Variants in TMEFF2 observed in about 807,000 individuals in gnomAD.
TMEFF2 encodes transmembrane protein with EGF like and two follistatin like domains 2, also known as tomoregulin-2.
A neutral mutation model predicts 53.8 loss-of-function variants in TMEFF2; 28 were observed. The observed-to-expected ratio is 0.52, with a 90% CI of 0.39 to 0.71. TMEFF2 has a LOEUF of 0.71. Among genes scored for constraint, TMEFF2 ranks in the 30% least tolerant of loss-of-function variants. TMEFF2 has a pLI of 0.00. For missense variants in TMEFF2, 353 were observed against 455.2 expected (o/e 0.78, Z 2.04); for synonymous variants, 162 against 166.3 (o/e 0.97, Z 0.20).
chr2:191,959,349 CTGAGT>C lies in TMEFF2; in HGVS notation c.746-2976_746-2972del, dbSNP rs140800209. Among the ~76,000 whole-genome samples, 1,028 of 152,304 alleles carry C rather than the reference CTGAGT, an allele frequency of 6.7e-3. 16 individuals carry two copies. The highest frequency in any genetic ancestry group is 0.023 in the African/African-American group (966 of 41,564). On this transcript the variant is annotated intron_variant, in intron 7 of 9. Coordinates refer to ENST00000272771, the MANE Select transcript of TMEFF2 (RefSeq NM_016192.4). ...TTTGAAAAAACAATTCTGATACAAT[CTGAGT>C]TATCTGCAGCAGAGCTAATAGGGCT...
chr2:192,035,057 C>T (rs980943188), intron 5 of TMEFF2: 1 of 152,230 alleles, frequency 6.6e-6, no homozygotes, highest in Non-Finnish European at 1.5e-5. Flanking sequence ...TTTCACTCCA[C>T]ATTCATCCTT....
intron 5 of TMEFF2, among the ~76,000 whole-genome samples, chr2:192,008,303 C>T (rs1686548342): frequency 6.6e-6 from 1 of 152,174 alleles, no homozygotes. Flanking sequence ...AGAAGTTGCT[C>T]CCACGTCCCT....
chr2:191,949,352 C>G lies in TMEFF2; in HGVS notation c.*959G>C, dbSNP rs1461645351. On this transcript the variant is annotated 3_prime_UTR_variant, in exon 10 of 10. Transcript: ENST00000272771. ...CGTCATCATCATCTTAGTTCCATTA[C>G]AAATTATGGTGCTGCATTAGCCACA... is the stretch of plus-strand genomic sequence containing the variant. The G allele has an allele frequency of 1.0e-6, 1 of 985,218 alleles. No homozygotes were observed. The highest frequency in any genetic ancestry group is 1.2e-6 in the Non-Finnish European group (1 of 829,902). 61.0% of individuals were successfully genotyped at this position (985,218 alleles called of 1,614,324 possible).
intron 7 of TMEFF2, among the ~76,000 whole-genome samples, chr2:191,957,332 G>A (rs1692135446): frequency 6.6e-6 from 1 of 152,092 alleles, no homozygotes; most frequent in Non-Finnish European, 1.5e-5. Context: ...CCAAACACAT[G>A]AGAAATATAG....
At chr2:191,999,901 C>T (rs1007434052) in intron 5 of TMEFF2, among the ~76,000 whole-genome samples, 2 of 151,850 alleles carry the variant, frequency 1.3e-5, no homozygotes, top group Middle Eastern at 3.4e-3. Context: ...AAACCCCTTC[C>T]GAGATATACA....
At chr2:192,096,670 C>CTGT (rs61068218) in intron 4 of TMEFF2, among the ~76,000 whole-genome samples, 2 of 53,696 alleles carry the variant, frequency 3.7e-5, no homozygotes, top group African/African-American at 2.7e-4. Flanking sequence ...CTCTCTCTCT[C>CTGT]TTTTTTTTTT....
intron 4 of TMEFF2, among the ~76,000 whole-genome samples, chr2:192,128,943 C>A (rs925796654): frequency 6.6e-6 from 1 of 152,164 alleles, no homozygotes; most frequent in African/African-American, 2.4e-5. Context: ...ACATGTGGTG[C>A]CTTTTGTGTT....
chr2:192,081,691 A>C (rs1688555559), intron 4 of TMEFF2, among the ~76,000 whole-genome samples: 1 of 152,182 alleles, frequency 6.6e-6, no homozygotes, highest in Admixed American at 6.5e-5. Flanking sequence ...ATTACATGGA[A>C]AAATATAACG....
chr2:192,059,011 C>A (rs1449344765), intron 4 of TMEFF2, among the ~76,000 whole-genome samples: 1 of 151,806 alleles, frequency 6.6e-6, no homozygotes, highest in Admixed American at 6.6e-5. Flanking sequence ...CTTATAAAAT[C>A]AAAGATCTTT....
At chr2:192,193,761 T>TAGAGAGAGAGAGAGAG (rs530141565) in intron 1 of TMEFF2, among the ~76,000 whole-genome samples, 2 of 47,822 alleles carry the variant, frequency 4.2e-5, no homozygotes, top group African/African-American at 1.4e-4. Flanking sequence ...GATAGATAGA[T>TAGAGAGAGAGAGAGAG]AGAGAGAGAG....
intron 5 of TMEFF2, among the ~76,000 whole-genome samples, chr2:192,019,247 T>A (rs966816480): frequency 6.6e-6 from 1 of 152,014 alleles, no homozygotes; most frequent in African/African-American, 2.4e-5. Context: ...CTATCAGAAC[T>A]CTTAAAACAT....
chr2:192,166,754 T>A (rs1690779131), intron 4 of TMEFF2, among the ~76,000 whole-genome samples: 1 of 152,110 alleles, frequency 6.6e-6, no homozygotes, highest in African/African-American at 2.4e-5. Flanking sequence ...TTTCCCAAAG[T>A]GTGTATCATA....
intron 4 of TMEFF2, among the ~76,000 whole-genome samples, chr2:192,064,690 C>T (rs1286442609): frequency 6.6e-6 from 1 of 151,800 alleles, no homozygotes; most frequent in African/African-American, 2.4e-5. Context: ...CATTAGTTTT[C>T]TGACATGCTT....
intron 9 of TMEFF2, among the ~76,000 whole-genome samples, chr2:191,951,754 A>G (rs1319040721): frequency 6.6e-6 from 1 of 152,170 alleles, no homozygotes; most frequent in Non-Finnish European, 1.5e-5. Context: ...TGAATCCTGG[A>G]AAGGCTCTAG....
chr2:192,003,002 C>T (rs4474831), intron 5 of TMEFF2, among the ~76,000 whole-genome samples: 113,170 of 152,036 alleles, frequency 0.74, 43,805 homozygotes, highest in Non-Finnish European at 0.86. Context: ...CTTATTCAGT[C>T]AGAAAAACAT....
At chr2:191,983,451 T>TAAGA (rs1685903881) in intron 7 of TMEFF2, among the ~76,000 whole-genome samples, 1 of 151,706 alleles carries the variant, frequency 6.6e-6, no homozygotes, top group Non-Finnish European at 1.5e-5. Flanking sequence ...CCAAGGAATG[T>TAAGA]AAGAATTTTG....
chr2:192,003,795 A>C (rs2105841558), intron 5 of TMEFF2, among the ~76,000 whole-genome samples: 1 of 152,326 alleles, frequency 6.6e-6, no homozygotes, highest in Non-Finnish European at 1.5e-5. Flanking sequence ...TTACAAAATT[A>C]GAGAGTTTTA....
intron 4 of TMEFF2, among the ~76,000 whole-genome samples, chr2:192,140,685 A>C (rs1690116718): frequency 6.6e-6 from 1 of 152,174 alleles, no homozygotes; most frequent in Non-Finnish European, 1.5e-5. Context: ...GGCATGTAGA[A>C]GAAAAAAAAA....
At chr2:191,974,356 C>G (rs4257344) in intron 7 of TMEFF2, among the ~76,000 whole-genome samples, 1 of 151,852 alleles carries the variant, frequency 6.6e-6, no homozygotes, top group South Asian at 2.1e-4. Context: ...ATAGGTGTTT[C>G]GCATACTACT....
Sources: gnomAD v4.1 joint callset for allele counts (sites outside exome capture counted in the v4.1 genomes callset) on GRCh38, gnomAD v4.1.1 for gene constraint, MANE v1.5 for transcripts, NCBI Gene and HGNC (gene_info 2026-07-23, HGNC 2026-07-21) for gene names.